Variants in PHC3 observed in about 807,000 individuals in gnomAD.
The protein encoded by PHC3 is polyhomeotic homolog 3, also known as polyhomeotic-like protein 3.
A neutral mutation model predicts 107.4 loss-of-function variants in PHC3; 13 were observed. That is an observed-to-expected ratio of 0.12 (90% CI 0.08 to 0.19). The LOEUF (loss-of-function observed/expected upper bound fraction) is 0.19, where lower values mean the gene tolerates loss of function less well. Ranked by LOEUF, PHC3 falls within the 10% of genes least tolerant of loss-of-function variation. The pLI, the probability that PHC3 is intolerant of heterozygous loss-of-function variation, is 1.00. For missense variants in PHC3, 992 were observed against 1,210.9 expected (o/e 0.82, Z 2.68); for synonymous variants, 456 against 427.4 (o/e 1.07, Z -0.83).
chr3:170,111,329 C>CGAACGAAA (rs1560033514), intron 11 of PHC3, among the ~76,000 whole-genome samples: 3 of 91,386 alleles, frequency 3.3e-5, no homozygotes, highest in Non-Finnish European at 4.3e-5. Context: ...AACGAACGAA[C>CGAACGAAA]GAAAGAACAA....
chr3:170,143,099 C>A (rs1258503128), intron 6 of PHC3, among the ~76,000 whole-genome samples: 1 of 152,100 alleles, frequency 6.6e-6, no homozygotes. Context: ...ATGGCTTGAG[C>A]CCAGGGAGGT....
intron 7 of PHC3, 122 bp from the exon 8 acceptor site, chr3:170,129,674 T>C (rs1035030725): frequency 3.6e-6 from 4 of 1,105,666 alleles, no homozygotes; most frequent in Non-Finnish European, 5.2e-6. Context: ...ATTACAAGTT[T>C]TCCAAACAAG....
At chr3:170,175,008 G>C (rs1730195372) in intron 2 of PHC3, among the ~76,000 whole-genome samples, 1 of 152,024 alleles carries the variant, frequency 6.6e-6, no homozygotes, top group African/African-American at 2.4e-5. Flanking sequence ...CATTTTTTCT[G>C]TTGTCAGCAC....
Position 170,128,675 on chromosome 3 carries a change from A to G in PHC3, c.1788+9T>C. The G allele has an allele frequency of 6.2e-7, 1 of 1,610,232 alleles. No individual in the cohort carries two copies. The highest frequency in any genetic ancestry group is 8.5e-7 in the Non-Finnish European group (1 of 1,177,948). ...CAGCAAGAAAGTCAAAGAGCTTCCA[A>G]GGGCTTACCACTGGTGGATCAACAG... On this transcript the variant is annotated intron_variant, in intron 8 of 14. Transcript: ENST00000495893.
At chr3:170,141,687 C>T (rs1226354879) in intron 6 of PHC3, among the ~76,000 whole-genome samples, 2 of 152,274 alleles carry the variant, frequency 1.3e-5, no homozygotes, top group East Asian at 3.9e-4. Flanking sequence ...TCTTGGCTCA[C>T]TGCAGCCTCG....
In PHC3 at chr3:170,097,519, T is replaced by C. The variant is rs747730740; in HGVS notation, c.2834-135A>G. The C allele has an allele frequency of 3.5e-6, 3 of 847,794 alleles. No individual in the cohort carries two copies. Among genetic ancestry groups the C allele is most frequent in the South Asian group, 2.9e-5 (1 of 33,988 alleles). 52.5% of individuals were successfully genotyped at this position (847,794 alleles called of 1,614,324 possible). ...CTGAGAAACAAATGAAATTTATTTA[T>C]GGTAGTCTTGAGTTCACTCTTGAAG... On this transcript the variant is annotated intron_variant, in intron 14 of 14. Transcript: ENST00000495893. This position sits in a 1 kb window ranked among gnomAD's most constrained non-coding sequence, Gnocchi z 4.1.
In PHC3 at chr3:170,136,475, T is replaced by C; in HGVS notation, c.863A>G (p.Glu288Gly). 1.2e-6 allele frequency: 2 copies of C among 1,605,170 alleles called. No individual in the cohort carries two copies. The highest frequency in any genetic ancestry group is 1.7e-6 in the Non-Finnish European group (2 of 1,176,688). ...SNKKGESPSL[E>G]SRSTAVTRTS... ...CCGGGTGACAGCTGTGCTTCGTGAT[T>C]CCAGGCTTGGGCTCTCTCCTTTCTT... The change falls in exon 7 of 15, where the codon GAA becomes GGA. Residue 288 changes from glutamate (E) to glycine (G), a missense_variant. Coordinates refer to ENST00000495893, the MANE Select transcript of PHC3 (RefSeq NM_024947.4).
intron 4 of PHC3, among the ~76,000 whole-genome samples, chr3:170,151,320 G>GA (rs1246931581): frequency 1.3e-5 from 2 of 152,016 alleles, no homozygotes; most frequent in South Asian, 4.1e-4. Context: ...TATTTTATTA[G>GA]AAAAAAGAAT....
chr3:170,139,808 T>C (rs1304925668), intron 6 of PHC3, among the ~76,000 whole-genome samples: 2 of 152,158 alleles, frequency 1.3e-5, no homozygotes, highest in Admixed American at 6.6e-5. Context: ...AAAGATAACA[T>C]ATACGGATTT....
chr3:170,163,360 G>C (rs148410551), intron 4 of PHC3, among the ~76,000 whole-genome samples: 7 of 152,168 alleles, frequency 4.6e-5, no homozygotes, highest in African/African-American at 1.7e-4. Context: ...CAAGGAAAGA[G>C]AATGACATAT....
At chr3:170,165,214 C>T (rs1270000966) in intron 4 of PHC3, among the ~76,000 whole-genome samples, 2 of 152,162 alleles carry the variant, frequency 1.3e-5, no homozygotes, top group African/African-American at 2.4e-5. Flanking sequence ...CTTGTACCCC[C>T]TGTACTTCAT....
chr3:170,102,992 T>C, intron 12 of PHC3, 58 bp from the exon 13 acceptor site: 1 of 1,511,042 alleles, frequency 6.6e-7, no homozygotes. Flanking sequence ...CCATTTAGTA[T>C]TTAATTGTGA....
At chr3:170,109,013 A>C (rs776570372) in intron 11 of PHC3, among the ~76,000 whole-genome samples, 3 of 152,216 alleles carry the variant, frequency 2.0e-5, no homozygotes, top group Non-Finnish European at 2.9e-5. Context: ...TCTCATAAAG[A>C]AGCGAGGGAC....
At chr3:170,143,505 AT>A (rs66604208) in intron 6 of PHC3, among the ~76,000 whole-genome samples, 8,151 of 152,146 alleles carry the variant, frequency 0.054, 259 homozygotes, top group African/African-American at 0.087. Flanking sequence ...CTCATTTTTT[AT>A]TTTTTACCAG....
intron 11 of PHC3, among the ~76,000 whole-genome samples, chr3:170,109,010 A>T (rs1259876235): frequency 6.6e-6 from 1 of 152,200 alleles, no homozygotes; most frequent in African/African-American, 2.4e-5. Flanking sequence ...ATTTCTCATA[A>T]AGAAGCGAGG....
intron 14 of PHC3, among the ~76,000 whole-genome samples, chr3:170,100,030 G>A (rs529572463): frequency 4.6e-5 from 7 of 152,184 alleles, no homozygotes; most frequent in Middle Eastern, 3.4e-3. Flanking sequence ...ATTAGAAGGC[G>A]GTAATTTTTC....
At chr3:170,162,810 T>C (rs1389461155) in intron 4 of PHC3, among the ~76,000 whole-genome samples, 1 of 152,150 alleles carries the variant, frequency 6.6e-6, no homozygotes, top group African/African-American at 2.4e-5. Flanking sequence ...ACCTCTCTGA[T>C]GTCATCTTTA....
intron 3 of PHC3, 81 bp downstream of exon 3, chr3:170,172,476 T>A: frequency 1.4e-6 from 2 of 1,463,578 alleles, no homozygotes; most frequent in Non-Finnish European, 1.9e-6. Flanking sequence ...AACTCTGAAA[T>A]AATACCCAAT....
rs569850169 is a variant in PHC3 at position 170,093,528 on chromosome 3, A to G, written c.*3702T>C. On this transcript the variant is annotated 3_prime_UTR_variant, in exon 15 of 15. Transcript: ENST00000495893. ...AGGTCAGCATCACTCACATACATCT[A>G]TAATAGTGTATTCTTTCAAAAATTG... The G allele has an allele frequency of 1.8e-4, 27 of 152,334 alleles. No homozygotes were observed. The highest frequency in any genetic ancestry group is 5.5e-4 in the African/African-American group (23 of 41,580). The allele number at this position is 152,334 out of a possible 1,614,324, so 9.4% of individuals were successfully genotyped here.
Sources: gnomAD v4.1 joint callset for allele counts (sites outside exome capture counted in the v4.1 genomes callset) on GRCh38, gnomAD v4.1.1 for gene constraint, Gnocchi (gnomAD v3.1) non-coding constraint, MANE v1.5 for transcripts, NCBI Gene and HGNC (gene_info 2026-07-23, HGNC 2026-07-21) for gene names.